FGF14: variants seen among roughly 807,000 people sequenced by gnomAD.
FGF14 encodes fibroblast growth factor 14, also known as fibroblast growth factor homologous factor 4.
FGF14 carries 5 observed loss-of-function variants against 25.5 expected under a neutral mutation model. The ratio of observed to expected loss-of-function variants is 0.20; its 90% CI spans 0.10 to 0.41. FGF14 has a LOEUF of 0.41. Ranked by LOEUF, FGF14 falls within the 10% of genes least tolerant of loss-of-function variation. FGF14 has a pLI of 1.00. For synonymous variants in FGF14, 138 were observed against 118.3 expected (o/e 1.17, Z -1.08); for missense variants, 222 against 320.1 (o/e 0.69, Z 2.34).
At chr13:102,102,997 T>C (rs2044731449) in intron 1 of FGF14, among the ~76,000 whole-genome samples, 1 of 152,198 alleles carries the variant, frequency 6.6e-6, no homozygotes, top group Admixed American at 6.5e-5. Context: ...AGAGAATCTG[T>C]GACATCTGCC....
chr13:102,084,474 T>C (rs1234196225), intron 1 of FGF14, among the ~76,000 whole-genome samples: 1 of 152,210 alleles, frequency 6.6e-6, no homozygotes, highest in African/African-American at 2.4e-5. Flanking sequence ...TTTTATTCCA[T>C]ACTTTCTTTT....
At chr13:102,098,416 AC>A (rs1331365521) in intron 1 of FGF14, among the ~76,000 whole-genome samples, 1 of 152,158 alleles carries the variant, frequency 6.6e-6, no homozygotes, top group Non-Finnish European at 1.5e-5. Context: ...ATAAGTATCA[AC>A]TTTTTTATTA....
At position 102,132,994 on chromosome 13, in the gene FGF14, G is replaced by T. The variant is rs117505795; in HGVS notation, c.209-257698C>A. Among the ~76,000 whole-genome samples the T allele has an allele frequency of 5.7e-3, 870 of 152,228 alleles. 4 individuals are homozygous for T. The highest frequency in any genetic ancestry group is 9.7e-3 in the Non-Finnish European group (663 of 68,002). On this transcript the variant is annotated intron_variant, in intron 1 of 4. Transcript: ENST00000376131. ...TTATCTCTGAAAACATAGCCACCAG[G>T]GAGCTTTAGAACATCTGCTATCAAA...
At chr13:102,233,196 A>T (rs1403959863) in intron 1 of FGF14, among the ~76,000 whole-genome samples, 3 of 152,100 alleles carry the variant, frequency 2.0e-5, no homozygotes, top group African/African-American at 7.2e-5. Context: ...GTGCAGTAGC[A>T]TGATCTCGGC....
In FGF14 at chr13:102,151,121, A is replaced by G. The variant is rs142114915; in HGVS notation, c.208+250350T>C. Among the ~76,000 whole-genome samples, 44 of 152,324 alleles carry G rather than the reference A, an allele frequency of 2.9e-4. No individual in the cohort carries two copies. In the East Asian group the frequency reaches 7.9e-3, roughly 27 times the overall value. ...CTGGTGGAGCAGAGGAAGAAATGCT[A>G]TTGGAAAACTTCATTGTGTTTGAGG... On this transcript the variant is annotated intron_variant, in intron 1 of 4. Transcript: ENST00000376131.
At chr13:102,024,828 T>G (rs2040843732) in intron 1 of FGF14, among the ~76,000 whole-genome samples, 2 of 151,902 alleles carry the variant, frequency 1.3e-5, no homozygotes, top group African/African-American at 4.8e-5. Context: ...TCCAGCACCA[T>G]TTGTTAAAAT....
chr13:102,300,768 A>C (rs372862226), intron 1 of FGF14, among the ~76,000 whole-genome samples: 1 of 152,142 alleles, frequency 6.6e-6, no homozygotes, highest in African/African-American at 2.4e-5. Flanking sequence ...CTATATCTAA[A>C]GGCAATTATT....
intron 1 of FGF14, among the ~76,000 whole-genome samples, chr13:102,215,042 C>A (rs747894263): frequency 1.3e-5 from 2 of 151,582 alleles, no homozygotes; most frequent in African/African-American, 4.9e-5. Flanking sequence ...AATGTCACCA[C>A]CCACATGCTG....
rs776494941 is a variant in FGF14 at position 101,721,466 on chromosome 13, C to T, written c.*1365G>A. ...TTTATTTTCATCTAGGATAATTCAACAGACTGTATTCTGAGATCATGGCAA... is the reference window on the plus strand; with the variant it reads ...TTTATTTTCATCTAGGATAATTCAATAGACTGTATTCTGAGATCATGGCAA... On this transcript the variant is annotated 3_prime_UTR_variant, in exon 5 of 5. Transcript: ENST00000376143. 6.6e-6 allele frequency: 1 copy of T among 152,024 alleles called. No homozygotes were observed. Among genetic ancestry groups the T allele is most frequent in the Non-Finnish European group, 1.5e-5 (1 of 67,992 alleles). The allele number at this position is 152,024 out of a possible 1,614,324, so 9.4% of individuals were successfully genotyped here.
chr13:101,710,971 G>A lies in FGF14; in HGVS notation c.*11860C>T, dbSNP rs1490934954. ...CTGGGATGTCAGGTTGCAGCATTTT[G>A]TCAGGCTTGAATGAAAAAGAAAGTC... On this transcript the variant is annotated 3_prime_UTR_variant, in exon 5 of 5. Coordinates refer to ENST00000376143, the MANE Select transcript of FGF14 (RefSeq NM_004115.4). 1 of 152,184 alleles carries A rather than the reference G, an allele frequency of 6.6e-6. No homozygotes were observed. Among genetic ancestry groups the A allele is most frequent in the Non-Finnish European group, 1.5e-5 (1 of 68,034 alleles). The allele number at this position is 152,184 out of a possible 1,614,324, so 9.4% of individuals were successfully genotyped here.
chr13:101,756,241 G>A lies in FGF14; in HGVS notation c.409-29431C>T, dbSNP rs942768352. 2.8e-4 allele frequency among the ~76,000 whole-genome samples: 42 copies of A among 152,110 alleles called. 1 individual carries two copies. Among genetic ancestry groups the A allele is most frequent in the Non-Finnish European group, 1.3e-4 (9 of 68,024 alleles). On this transcript the variant is annotated intron_variant, in intron 3 of 4. Transcript: ENST00000376143. Reference sequence around the variant, plus strand: ...AAAAATTTATTTTAGACTAATTCATGCCACATAAAACCTTTCTTTGTGTTT... The same window carrying A: ...AAAAATTTATTTTAGACTAATTCATACCACATAAAACCTTTCTTTGTGTTT...
intron 1 of FGF14, among the ~76,000 whole-genome samples, chr13:102,088,593 A>G (rs1441816770): frequency 6.6e-6 from 1 of 152,220 alleles, no homozygotes; most frequent in Non-Finnish European, 1.5e-5. Context: ...TTTCTAACTG[A>G]GAAATCAAAG....
At chr13:102,337,799 A>G (rs2056830424) in intron 1 of FGF14, among the ~76,000 whole-genome samples, 1 of 152,134 alleles carries the variant, frequency 6.6e-6, no homozygotes, top group Non-Finnish European at 1.5e-5. Context: ...CACCAGCAAA[A>G]AGATTACGGC....
At chr13:102,045,280 A>AG (rs1038137982) in intron 1 of FGF14, among the ~76,000 whole-genome samples, 2 of 152,204 alleles carry the variant, frequency 1.3e-5, no homozygotes, top group African/African-American at 4.8e-5. Context: ...ATGGAAAAAA[A>AG]AAAAGCTGTA....
At chr13:101,919,418 T>C (rs867357356), upstream of FGF14, among the ~76,000 whole-genome samples, 2 of 152,020 alleles carry the variant, frequency 1.3e-5, no homozygotes, top group Middle Eastern at 3.4e-3. Flanking sequence ...TTTAAGCCTT[T>C]TGATGTATGT....
At chr13:101,934,095 A>C (rs2034944415) in intron 1 of FGF14, among the ~76,000 whole-genome samples, 1 of 152,208 alleles carries the variant, frequency 6.6e-6, no homozygotes. Context: ...AATAATGGGA[A>C]GATAAGAAAC....
intron 3 of FGF14, among the ~76,000 whole-genome samples, chr13:101,771,240 A>G (rs927564527): frequency 2.0e-5 from 3 of 152,092 alleles, no homozygotes; most frequent in African/African-American, 4.8e-5. Context: ...GCAGTGTGGT[A>G]GCATTCTATC....
At chr13:101,835,582 G>A (rs1348525834) in intron 3 of FGF14, among the ~76,000 whole-genome samples, 1 of 151,900 alleles carries the variant, frequency 6.6e-6, no homozygotes, top group Non-Finnish European at 1.5e-5. Flanking sequence ...GGTAAAATAG[G>A]CACAGCGTGG....
chr13:101,954,233 G>C (rs1005523774), intron 1 of FGF14, among the ~76,000 whole-genome samples: 6 of 151,778 alleles, frequency 4.0e-5, no homozygotes, highest in African/African-American at 1.5e-4. Flanking sequence ...AACCTGACCA[G>C]GCGTGACCTT....
Sources: gnomAD v4.1 joint callset for allele counts (sites outside exome capture counted in the v4.1 genomes callset) on GRCh38, gnomAD v4.1.1 for gene constraint, MANE v1.5 for transcripts, NCBI Gene and HGNC (gene_info 2026-07-23, HGNC 2026-07-21) for gene names.